Variants in TMOD2 observed in about 807,000 individuals in gnomAD.
TMOD2 encodes the protein tropomodulin-2.
A neutral mutation model predicts 39.9 loss-of-function variants in TMOD2; 22 were observed. That is an observed-to-expected ratio of 0.55 (90% CI 0.39 to 0.79). The LOEUF is 0.79. Ranked by LOEUF, TMOD2 falls within the 30% of genes least tolerant of loss-of-function variation. The probability of loss-of-function intolerance (pLI) is 0.00; values close to 1 mark genes in which losing one functional copy is unlikely to be tolerated. For synonymous variants in TMOD2, 123 were observed against 146.1 expected (o/e 0.84, Z 1.14); for missense variants, 386 against 413.3 (o/e 0.93, Z 0.57).
chr15:51,751,864 CCGCCTCT>C (rs1317802926), intron 1 of TMOD2, among the ~76,000 whole-genome samples, 152 bp downstream of exon 1: 1 of 150,056 alleles, frequency 6.7e-6, no homozygotes, highest in Non-Finnish European at 1.5e-5. Flanking sequence ...CAGAGCCGGG[CCGCCTCT>C]CGCCTCTCGC....
chr15:51,757,107 A>G (rs996370548), intron 1 of TMOD2, among the ~76,000 whole-genome samples: 1 of 152,248 alleles, frequency 6.6e-6, no homozygotes. Context: ...GACATATTAA[A>G]AAGAATAAAG....
intron 5 of TMOD2, among the ~76,000 whole-genome samples, chr15:51,778,476 TAAAG>T (rs2055905283): frequency 7.0e-6 from 1 of 142,946 alleles, no homozygotes; most frequent in Non-Finnish European, 1.5e-5. Context: ...CCCTAAAACT[TAAAG>T]TATAATAATA....
At chr15:51,785,113 T>C (rs2055958882) in intron 7 of TMOD2, 1 of 152,218 alleles carries the variant, frequency 6.6e-6, no homozygotes, top group Non-Finnish European at 1.5e-5. Context: ...ACTTGCTTTT[T>C]AAAGAATACT....
intron 7 of TMOD2, among the ~76,000 whole-genome samples, chr15:51,793,572 A>G (rs567249095): frequency 5.9e-5 from 9 of 152,226 alleles, no homozygotes; most frequent in South Asian, 2.1e-4. Context: ...CTCTACTTCA[A>G]TTACATTTAA....
At chr15:51,773,682 C>A (rs774313349) in intron 3 of TMOD2, 30 bp from the exon 4 acceptor site, 3 of 1,585,396 alleles carry the variant, frequency 1.9e-6, no homozygotes, top group East Asian at 4.5e-5. Context: ...CAGTAGTACT[C>A]AATATTTTTG....
At chr15:51,768,065 C>T (rs1595864639) in intron 2 of TMOD2, among the ~76,000 whole-genome samples, 197 bp from the exon 3 acceptor site, 1 of 152,204 alleles carries the variant, frequency 6.6e-6, no homozygotes, top group South Asian at 2.1e-4. Context: ...TCATTGGGAG[C>T]CCCCTCTCAG....
chr15:51,790,118 CAAA>C (rs796919219), intron 7 of TMOD2, among the ~76,000 whole-genome samples: 44 of 151,716 alleles, frequency 2.9e-4, no homozygotes, highest in African/African-American at 1.0e-3. Flanking sequence ...GCAAGACTAA[CAAA>C]GAAGAAAAGA....
intron 7 of TMOD2, among the ~76,000 whole-genome samples, chr15:51,795,606 C>CTTTCTTTCTTTCTTTCT: frequency 7.9e-6 from 1 of 126,144 alleles, no homozygotes; most frequent in African/African-American, 3.0e-5. Context: ...TTCTTTCTTT[C>CTTTCTTTCTTTCTTTCT]TTTCTTTCTT....
At chr15:51,788,573 A>T (rs937858162) in intron 7 of TMOD2, among the ~76,000 whole-genome samples, 1 of 152,248 alleles carries the variant, frequency 6.6e-6, no homozygotes, top group Non-Finnish European at 1.5e-5. Context: ...CATAATTGTC[A>T]GATTCACCAA....
At chr15:51,760,861 G>C (rs2055775910) in intron 1 of TMOD2, among the ~76,000 whole-genome samples, 1 of 152,072 alleles carries the variant, frequency 6.6e-6, no homozygotes, top group Non-Finnish European at 1.5e-5. Context: ...CATTTGTTTT[G>C]CCATGTAAAG....
intron 1 of TMOD2, among the ~76,000 whole-genome samples, chr15:51,759,552 G>A (rs1418640779): frequency 6.6e-6 from 1 of 152,128 alleles, no homozygotes; most frequent in Non-Finnish European, 1.5e-5. Flanking sequence ...AAAAAGAAAT[G>A]GTCAGAGAAA....
chr15:51,763,853 C>T (rs1449232359), intron 1 of TMOD2, among the ~76,000 whole-genome samples: 1 of 152,120 alleles, frequency 6.6e-6, no homozygotes, highest in Non-Finnish European at 1.5e-5. Flanking sequence ...AGACACATCT[C>T]AATTTCAGAA....
Position 51,766,099 on chromosome 15 carries a change from C to T in TMOD2, c.-69-274C>T, listed in dbSNP as rs568394176. On this transcript the variant is annotated intron_variant, in intron 1 of 9. Transcript: ENST00000249700. ...TGTGACCTCGAGCAAGGCACTAGGC[C>T]ACTTTCACCTCAGAATTGTCATCTA... is the stretch of plus-strand genomic sequence containing the variant. Among the ~76,000 whole-genome samples the T allele has an allele frequency of 7.9e-5, 12 of 152,336 alleles. No individual in the cohort carries two copies. The East Asian group carries it at 2.3e-3, about 29-fold the overall frequency.
intron 8 of TMOD2, among the ~76,000 whole-genome samples, chr15:51,802,158 A>G (rs779551315): frequency 6.6e-6 from 1 of 151,752 alleles, no homozygotes; most frequent in Non-Finnish European, 1.5e-5. Flanking sequence ...ATGCCCCCCA[A>G]TTTAATTTTC....
intron 1 of TMOD2, among the ~76,000 whole-genome samples, chr15:51,754,310 G>T (rs1238237216): frequency 6.6e-6 from 1 of 152,144 alleles, no homozygotes; most frequent in Non-Finnish European, 1.5e-5. Flanking sequence ...GTAGTGTTGG[G>T]GGAAAAATGA....
chr15:51,782,317 G>A (rs1285172550), intron 6 of TMOD2, among the ~76,000 whole-genome samples: 1 of 152,112 alleles, frequency 6.6e-6, no homozygotes, highest in Non-Finnish European at 1.5e-5. Flanking sequence ...AAAGAGAAAA[G>A]GACAAAAGGA....
chr15:51,774,740 C>T (rs947992408), intron 4 of TMOD2, among the ~76,000 whole-genome samples: 1 of 152,110 alleles, frequency 6.6e-6, no homozygotes, highest in African/African-American at 2.4e-5. Flanking sequence ...TTTGCACCCA[C>T]TGGTCTTAGC....
At position 51,801,229 on chromosome 15, in the gene TMOD2, T is replaced by TCACACACACA. The variant is rs1391987137; in HGVS notation, c.876+2890_876+2891insACACACACAC. Among the ~76,000 whole-genome samples, 64 of 98,534 alleles carry TCACACACACA rather than the reference T, an allele frequency of 6.5e-4. 1 individual carries two copies. Among genetic ancestry groups the TCACACACACA allele is most frequent in the African/African-American group, 2.6e-3 (55 of 21,068 alleles). The allele number at this position is 98,534 out of a possible 152,430, so 64.6% of individuals were successfully genotyped here. ...TTCATTCTCTCTCCCTCTCTCTCTC[T>TCACACACACA]CTCTCTCTCACACACACACACACAC... On this transcript the variant is annotated intron_variant, in intron 8 of 9. Transcript: ENST00000249700.
At chr15:51,756,871 C>G (rs750677985) in intron 1 of TMOD2, among the ~76,000 whole-genome samples, 2 of 152,134 alleles carry the variant, frequency 1.3e-5, no homozygotes, top group Non-Finnish European at 2.9e-5. Flanking sequence ...TAAAATAAAA[C>G]AAACTTAATT....
Sources: allele counts gnomAD v4.1 joint callset (sites outside exome capture counted in the v4.1 genomes callset), GRCh38; gene constraint gnomAD v4.1.1; transcripts MANE v1.5; gene names NCBI Gene and HGNC (gene_info 2026-07-23, HGNC 2026-07-21).